MAP1LC3B: variants seen among roughly 807,000 people sequenced by gnomAD.
The protein encoded by MAP1LC3B is microtubule-associated protein 1 light chain 3 beta.
A neutral mutation model predicts 16.7 loss-of-function variants in MAP1LC3B; 12 were observed. That is an observed-to-expected ratio of 0.72 (90% CI 0.46 to 1.16). MAP1LC3B has a LOEUF of 1.16. MAP1LC3B is among the 50% of genes most tolerant of loss of function. The pLI is 0.00. For synonymous variants in MAP1LC3B, 63 were observed against 56.5 expected, an observed-to-expected ratio of 1.11 and a Z score of -0.51; for missense variants, 155 against 159.5, an observed-to-expected ratio of 0.97 and a Z score of 0.15.
chr16:87,403,011 G>T lies in MAP1LC3B; in HGVS notation c.292G>T (p.Val98Leu), dbSNP rs745784433. The change falls in exon 4 of 4, where the codon GTG becomes TTG. Residue 98 changes from valine (V) to leucine (L), a missense_variant. By Grantham distance (32) the Val-to-Leu change is conservative (BLOSUM62 1). Coordinates refer to ENST00000268607, the MANE Select transcript of MAP1LC3B (RefSeq NM_022818.5). Reference protein sequence around the residue: ...MVSVSTPISEVYESEKDEDGF... With the variant: ...MVSVSTPISELYESEKDEDGF... Reference sequence around the variant, plus strand: ...CAGCGTCTCCACACCAATCTCAGAGGTGTATGAGAGTGAGAAAGATGAAGA... The same window carrying T: ...CAGCGTCTCCACACCAATCTCAGAGTTGTATGAGAGTGAGAAAGATGAAGA... 3.1e-6 allele frequency: 5 copies of T among 1,613,980 alleles called. No individual in the cohort carries two copies. Among genetic ancestry groups the T allele is most frequent in the Admixed American group, 1.7e-5 (1 of 60,002 alleles).
intron 2 of MAP1LC3B, among the ~76,000 whole-genome samples, chr16:87,401,222 C>T (rs1405203738): frequency 6.6e-6 from 1 of 151,404 alleles, no homozygotes; most frequent in Non-Finnish European, 1.5e-5. Context: ...GTGCTTGAAG[C>T]TGGTTCCCAG....
Position 87,403,202 on chromosome 16 carries a change from G to T in MAP1LC3B, c.*105G>T, listed in dbSNP as rs7865. ...ATCAGTTCATCCAATCACAGATCAT[G>T]AAACAGTAGTGTTCCCACCTAGGAG... On this transcript the variant is annotated 3_prime_UTR_variant, in exon 4 of 4. Coordinates refer to ENST00000268607, the MANE Select transcript of MAP1LC3B (RefSeq NM_022818.5). 48 of 1,423,864 alleles carry T rather than the reference G, an allele frequency of 3.4e-5. No individual in the cohort carries two copies. The highest frequency in any genetic ancestry group is 4.5e-5 in the Non-Finnish European group (47 of 1,052,420). The allele number at this position is 1,423,864 out of a possible 1,614,324, so 88.2% of individuals were successfully genotyped here.
intron 2 of MAP1LC3B, among the ~76,000 whole-genome samples, chr16:87,401,748 T>C (rs909945527): frequency 1.3e-5 from 2 of 152,286 alleles, no homozygotes; most frequent in South Asian, 4.1e-4. Flanking sequence ...CAGGCTGGTC[T>C]CGAACTCCTG....
At chr16:87,396,087 C>G (rs1179886333) in intron 1 of MAP1LC3B, among the ~76,000 whole-genome samples, 1 of 151,594 alleles carries the variant, frequency 6.6e-6, no homozygotes, top group Non-Finnish European at 1.5e-5. Flanking sequence ...TCTCTAACTC[C>G]TGACCTCAGG....
chr16:87,397,314 T>TC (rs1467415306), intron 1 of MAP1LC3B, among the ~76,000 whole-genome samples: 1 of 152,102 alleles, frequency 6.6e-6, no homozygotes, highest in Non-Finnish European at 1.5e-5. Flanking sequence ...TAAAAGTTTT[T>TC]ATAAAGAGTG....
intron 1 of MAP1LC3B, chr16:87,393,096 C>A (rs572540063): frequency 6.6e-6 from 1 of 152,424 alleles, no homozygotes; most frequent in Admixed American, 6.5e-5. Context: ...TGTCTGTAGC[C>A]CAGGAGCTGG....
chr16:87,393,263 C>T (rs1907671925), intron 1 of MAP1LC3B: 1 of 152,240 alleles, frequency 6.6e-6, no homozygotes, highest in South Asian at 2.1e-4. Flanking sequence ...ATTTACTCCA[C>T]GCAGATGATG....
intron 2 of MAP1LC3B, chr16:87,399,400 T>TA (rs1341580106): frequency 6.6e-6 from 2 of 301,780 alleles, no homozygotes; most frequent in East Asian, 1.8e-4. Context: ...TCCTTGTGGA[T>TA]ATCACACTTC....
intron 1 of MAP1LC3B, chr16:87,393,010 C>G (rs62053115): frequency 6.6e-6 from 1 of 152,190 alleles, no homozygotes; most frequent in South Asian, 2.1e-4. Context: ...CTCAGTGCCT[C>G]GGTCGAGAGG....
chr16:87,398,248 G>A (rs1359735068), intron 1 of MAP1LC3B, among the ~76,000 whole-genome samples: 1 of 151,956 alleles, frequency 6.6e-6, no homozygotes, highest in Non-Finnish European at 1.5e-5. Context: ...GGCTGGTCTC[G>A]AACTCCTGAC....
intron 2 of MAP1LC3B, chr16:87,400,209 GCT>G (rs1907943190): frequency 3.0e-5 from 4 of 134,318 alleles, no homozygotes; most frequent in Admixed American, 8.2e-5. Flanking sequence ...ATGCAGTCTC[GCT>G]CTGTCACCCA....
chr16:87,393,582 A>G (rs940001940), intron 1 of MAP1LC3B, among the ~76,000 whole-genome samples: 1 of 152,182 alleles, frequency 6.6e-6, no homozygotes, highest in Non-Finnish European at 1.5e-5. Context: ...TTAGCTTGCC[A>G]AGCATATCTT....
intron 2 of MAP1LC3B, chr16:87,399,337 C>CT (rs555764126): frequency 7.4e-6 from 2 of 269,672 alleles, no homozygotes; most frequent in Non-Finnish European, 1.5e-5. Flanking sequence ...TGTACTGCCT[C>CT]TAATTTCTGC....
At chr16:87,401,883 A>T (rs965799493) in intron 2 of MAP1LC3B, among the ~76,000 whole-genome samples, 17 of 150,156 alleles carry the variant, frequency 1.1e-4, no homozygotes, top group African/African-American at 4.2e-4. Flanking sequence ...CCCAGGCTGG[A>T]GTGCGGTGGC....
Position 87,401,156 on chromosome 16 carries a change from AC to A in MAP1LC3B, c.97-1018del, listed in dbSNP as rs1907981726. On this transcript the variant is annotated intron_variant, in intron 2 of 3. Coordinates refer to ENST00000268607, the MANE Select transcript of MAP1LC3B (RefSeq NM_022818.5). ...TCAAAAAAAAAAAAAAAAAAAAAAA[AC>A]TTCAGCCATGTCTCAGGATATGGTA... Among the ~76,000 whole-genome samples, 4 of 129,218 alleles carry A rather than the reference AC, an allele frequency of 3.1e-5. No homozygotes were observed. In the South Asian group the frequency reaches 1.1e-3, roughly 35 times the overall value. The allele number at this position is 129,218 out of a possible 152,430, so 84.8% of individuals were successfully genotyped here.
In MAP1LC3B at chr16:87,399,866, C is replaced by T. The variant is rs190007256; in HGVS notation, c.96+996C>T. On this transcript the variant is annotated intron_variant, in intron 2 of 3. Transcript: ENST00000268607. ...TCGGCTCACTGCAACCTCCGCCTCC[C>T]AGGTTCAAGTGATTCTCCTGCCTCA... Among the ~76,000 whole-genome samples, 734 of 151,954 alleles carry T rather than the reference C, an allele frequency of 4.8e-3. 9 individuals carry two copies. Among genetic ancestry groups the T allele is most frequent in the African/African-American group, 0.017 (710 of 41,436 alleles).
chr16:87,393,107 G>T (rs986374299), intron 1 of MAP1LC3B: 5 of 152,306 alleles, frequency 3.3e-5, no homozygotes, highest in African/African-American at 1.2e-4. Context: ...CAGGAGCTGG[G>T]GTGGGAGACT....
intron 2 of MAP1LC3B, chr16:87,399,449 G>C (rs11117271): frequency 0.022 from 7,052 of 314,422 alleles, 158 homozygotes; most frequent in Middle Eastern, 0.085. Flanking sequence ...AACTTACCAA[G>C]GAAAGTGATG....
intron 1 of MAP1LC3B, among the ~76,000 whole-genome samples, chr16:87,395,497 CTG>C (rs1354687410): frequency 7.2e-5 from 11 of 152,324 alleles, no homozygotes; most frequent in African/African-American, 2.6e-4. Flanking sequence ...ATGCCATTGA[CTG>C]TGCTGTTGAT....
Sources: allele counts gnomAD v4.1 joint callset (sites outside exome capture counted in the v4.1 genomes callset), GRCh38; gene constraint gnomAD v4.1.1; transcripts MANE v1.5; gene names NCBI Gene and HGNC (gene_info 2026-07-23, HGNC 2026-07-21).